The following IARS1 variants were observed in gnomAD, a reference collection of about 807,000 sequenced individuals.
IARS1 encodes isoleucyl-tRNA synthetase 1, also known as isoleucine--tRNA ligase, cytoplasmic.
Under a neutral mutation model 168.2 loss-of-function variants are expected in IARS1, and 124 were observed. That is an observed-to-expected ratio of 0.74 (90% CI 0.64 to 0.86). The LOEUF (loss-of-function observed/expected upper bound fraction) is 0.86. Ranked by LOEUF, IARS1 falls within the 40% of genes least tolerant of loss-of-function variation. The probability of loss-of-function intolerance (pLI) is 0.00; values close to 1 mark genes in which losing one functional copy is unlikely to be tolerated. For missense variants in IARS1, 1,452 were observed against 1,515.8 expected (o/e 0.96, Z 0.70); for synonymous variants, 532 against 529.4 (o/e 1.00, Z -0.07).
intron 15 of IARS1, 125 bp downstream of exon 15, chr9:92,265,355 A>C: frequency 1.1e-6 from 1 of 925,232 alleles, no homozygotes; most frequent in Non-Finnish European, 1.7e-6. Flanking sequence ...GCAATATGAC[A>C]TGAGTCATCA....
intron 31 of IARS1, among the ~76,000 whole-genome samples, chr9:92,225,066 A>G (rs1465832834): frequency 6.6e-6 from 1 of 152,318 alleles, no homozygotes; most frequent in East Asian, 1.9e-4. Flanking sequence ...AGCTTTCGAT[A>G]CAGTGTTATT....
At chr9:92,285,207 T>C (rs1420102247) in intron 6 of IARS1, among the ~76,000 whole-genome samples, 1 of 152,206 alleles carries the variant, frequency 6.6e-6, no homozygotes, top group Non-Finnish European at 1.5e-5. Context: ...TGTCTAGATA[T>C]GGTATAACAA....
intron 33 of IARS1, among the ~76,000 whole-genome samples, chr9:92,214,008 G>T (rs1486933843): frequency 1.3e-5 from 2 of 151,784 alleles, no homozygotes; most frequent in Non-Finnish European, 2.9e-5. Context: ...TCACCATATT[G>T]GCCATGCTGG....
chr9:92,246,529 T>C (rs1016783454), intron 26 of IARS1, among the ~76,000 whole-genome samples: 2 of 152,202 alleles, frequency 1.3e-5, no homozygotes, highest in African/African-American at 2.4e-5. Context: ...TACCCCCACA[T>C]GTTTTTATGT....
At chr9:92,266,685 T>C (rs1264413788) in intron 14 of IARS1, among the ~76,000 whole-genome samples, 1 of 152,178 alleles carries the variant, frequency 6.6e-6, no homozygotes, top group Non-Finnish European at 1.5e-5. Flanking sequence ...TCTCTCTCTA[T>C]TAGCTCCTGT....
Position 92,258,952 on chromosome 9 carries a change from A to T in IARS1, c.1918T>A (p.Phe640Ile). The change falls in exon 19 of 34, where the codon TTT becomes ATT. Residue 640 changes from phenylalanine to isoleucine, a missense_variant. By Grantham distance (21) the Phe-to-Ile change is conservative (BLOSUM62 0). Transcript: ENST00000443024. ...SPVVRAENLR[F>I]KEEGVRDVLK... ...ACGTCCCGCACACCCTCTTCTTTAAAGCGGAGGTTTTCTGCTCTCACCACA... is the reference window on the plus strand; with the variant it reads ...ACGTCCCGCACACCCTCTTCTTTAATGCGGAGGTTTTCTGCTCTCACCACA... The T allele has an allele frequency of 2.5e-6, 4 of 1,613,888 alleles. No individual in the cohort carries two copies. Among genetic ancestry groups the T allele is most frequent in the Non-Finnish European group, 3.4e-6 (4 of 1,179,912 alleles).
intron 10 of IARS1, 143 bp from the exon 11 acceptor site, chr9:92,271,798 G>T: frequency 2.3e-6 from 2 of 881,144 alleles, no homozygotes; most frequent in Non-Finnish European, 3.5e-6. Flanking sequence ...GGTAACTCAA[G>T]ACCATTCGGA....
At chr9:92,236,469 T>C (rs905201810) in intron 30 of IARS1, among the ~76,000 whole-genome samples, 1 of 152,228 alleles carries the variant, frequency 6.6e-6, no homozygotes, top group African/African-American at 2.4e-5. Context: ...AAATTACAAA[T>C]TCATCTCCTT....
chr9:92,246,404 C>T (rs147628478), intron 26 of IARS1, among the ~76,000 whole-genome samples: 2 of 152,200 alleles, frequency 1.3e-5, no homozygotes, highest in East Asian at 3.9e-4. Flanking sequence ...ACACTCAGAC[C>T]ATGTATGATT....
rs748832171 is a variant in IARS1, at chr9:92,287,774, A to G, written c.396+17T>C. On this transcript the variant is annotated intron_variant, in intron 4 of 33. Coordinates refer to ENST00000443024, the MANE Select transcript of IARS1 (RefSeq NM_002161.6). ...ACTACATTTGCTGTTCATTCTACTG[A>G]AAAAAACCCAACATACCTTCCACTC... 29 of 1,602,860 alleles carry G rather than the reference A, an allele frequency of 1.8e-5. No homozygotes were observed. Among genetic ancestry groups the G allele is most frequent in the Non-Finnish European group, 2.4e-5 (28 of 1,174,244 alleles).
chr9:92,212,607 A>G (rs1245934706), intron 33 of IARS1, among the ~76,000 whole-genome samples: 1 of 152,240 alleles, frequency 6.6e-6, no homozygotes, highest in Non-Finnish European at 1.5e-5. Flanking sequence ...CCACTGCACA[A>G]CAGTACTTGG....
chr9:92,217,018 T>G (rs1454737882), intron 33 of IARS1, among the ~76,000 whole-genome samples: 5 of 149,608 alleles, frequency 3.3e-5, no homozygotes, highest in Admixed American at 6.7e-5. Flanking sequence ...ACCACATACT[T>G]GGAAGTAAAG....
At chr9:92,270,118 T>C (rs1327440058) in intron 12 of IARS1, 135 bp from the exon 13 acceptor site, 1 of 558,410 alleles carries the variant, frequency 1.8e-6, no homozygotes, top group Non-Finnish European at 3.2e-6. Flanking sequence ...TTATTATAGA[T>C]AAAAACATCT....
chr9:92,289,942 T>C (rs187253083), intron 1 of IARS1, among the ~76,000 whole-genome samples: 6 of 152,378 alleles, frequency 3.9e-5, no homozygotes, highest in Non-Finnish European at 4.4e-5. Context: ...CCACATTTTG[T>C]TTATCCATTC....
intron 32 of IARS1, 27 bp downstream of exon 32, chr9:92,223,319 G>C (rs1216635408): frequency 6.3e-7 from 1 of 1,585,218 alleles, no homozygotes; most frequent in Admixed American, 1.8e-5. Flanking sequence ...GCACCCCACA[G>C]TCTGCCTGCT....
At chr9:92,283,517 AC>A (rs1284320158) in intron 6 of IARS1, among the ~76,000 whole-genome samples, 6 of 152,184 alleles carry the variant, frequency 3.9e-5, no homozygotes, top group African/African-American at 1.2e-4. Flanking sequence ...GCTGGCGGGC[AC>A]CCGTAATCCC....
rs1293032193 is a variant in IARS1, at chr9:92,223,377, G to A, written c.3522C>T (p.Ile1174=). ...NSSSTLLCQY[I]NLQLLNAKPQ... ...GCTTTGCATTCAGGAGCTGTAGGTT[G>A]ATATACTGACAAAGAAGAGTACTAG... The change falls in exon 32 of 34, where the codon ATC becomes ATT. Residue 1174 remains isoleucine (I), a synonymous_variant. Coordinates refer to ENST00000443024, the MANE Select transcript of IARS1 (RefSeq NM_002161.6). 1.2e-6 allele frequency: 2 copies of A among 1,613,830 alleles called. No individual in the cohort carries two copies. Among genetic ancestry groups the A allele is most frequent in the East Asian group, 2.2e-5 (1 of 44,886 alleles).
chr9:92,264,619 T>C (rs1365914417), intron 16 of IARS1, among the ~76,000 whole-genome samples: 1 of 152,184 alleles, frequency 6.6e-6, no homozygotes, highest in Non-Finnish European at 1.5e-5. Flanking sequence ...TTTGAGTAAA[T>C]GATCTGACGT....
intron 22 of IARS1, 83 bp from the exon 23 acceptor site, chr9:92,250,917 T>C (rs780171858): frequency 2.1e-6 from 3 of 1,433,984 alleles, no homozygotes; most frequent in Admixed American, 2.0e-5. Flanking sequence ...CAACTAAACA[T>C]GTTAGAGAAT....
Sources: allele counts gnomAD v4.1 joint callset (sites outside exome capture counted in the v4.1 genomes callset), GRCh38; gene constraint gnomAD v4.1.1; transcripts MANE v1.5; gene names NCBI Gene and HGNC (gene_info 2026-07-23, HGNC 2026-07-21).